Variants in FARS2 observed in about 807,000 individuals in gnomAD.
FARS2 encodes phenylalanyl-tRNA synthetase 2, mitochondrial, also known as phenylalanine--tRNA ligase, mitochondrial.
Under a neutral mutation model 46.4 loss-of-function variants are expected in FARS2, and 40 were observed. That is an observed-to-expected ratio of 0.86 (90% confidence interval 0.67 to 1.12). The LOEUF is 1.12. Ranked by LOEUF, FARS2 falls within the 50% of genes most tolerant of loss-of-function variation. The pLI is 0.00. For missense variants in FARS2, 513 were observed against 567.9 expected, an observed-to-expected ratio of 0.90 and a Z score of 0.98; for synonymous variants, 234 against 214.9, an observed-to-expected ratio of 1.09 and a Z score of -0.78.
intron 1 of FARS2, among the ~76,000 whole-genome samples, chr6:5,297,461 A>C (rs1767971527): frequency 6.6e-6 from 1 of 152,222 alleles, no homozygotes. Flanking sequence ...CAGCCTGGCC[A>C]ACATGGTGAA....
At chr6:5,553,681 C>G (rs953985733) in intron 5 of FARS2, among the ~76,000 whole-genome samples, 1 of 151,962 alleles carries the variant, frequency 6.6e-6, no homozygotes, top group Non-Finnish European at 1.5e-5. Context: ...TATGAACTTA[C>G]TGGTTTGTAG....
At chr6:5,689,095 C>A (rs1002374585) in intron 6 of FARS2, among the ~76,000 whole-genome samples, 11 of 151,998 alleles carry the variant, frequency 7.2e-5, no homozygotes, top group African/African-American at 2.2e-4. Flanking sequence ...TCTCTCTTTT[C>A]TTCTTTATTA....
intron 6 of FARS2, among the ~76,000 whole-genome samples, chr6:5,662,917 T>C (rs1777916097): frequency 6.6e-6 from 1 of 152,236 alleles, no homozygotes; most frequent in Admixed American, 6.5e-5. Flanking sequence ...TAAATTAGTT[T>C]GCATAAAGCT....
intron 6 of FARS2, among the ~76,000 whole-genome samples, chr6:5,693,051 C>CCT (rs1757862162): frequency 6.6e-6 from 1 of 152,166 alleles, no homozygotes; most frequent in Admixed American, 6.5e-5. Context: ...ATTTGTATTT[C>CCT]ATCTGTTTTG....
chr6:5,405,981 T>G (rs1417588584), intron 3 of FARS2, among the ~76,000 whole-genome samples: 1 of 152,210 alleles, frequency 6.6e-6, no homozygotes, highest in East Asian at 1.9e-4. Flanking sequence ...CTTGCCTTTA[T>G]TTTTCAAAAA....
At chr6:5,363,391 C>G (rs1360877717) in intron 1 of FARS2, among the ~76,000 whole-genome samples, 1 of 151,934 alleles carries the variant, frequency 6.6e-6, no homozygotes, top group Non-Finnish European at 1.5e-5. Flanking sequence ...TCTTTACTGC[C>G]CCTTCCAAAG....
chr6:5,362,856 A>T (rs897802283), intron 1 of FARS2, among the ~76,000 whole-genome samples: 5 of 149,792 alleles, frequency 3.3e-5, no homozygotes, highest in African/African-American at 9.9e-5. Flanking sequence ...TTTTTCACAT[A>T]CCTATTGACC....
At chr6:5,405,039 C>T (rs1409658368) in intron 3 of FARS2, among the ~76,000 whole-genome samples, 6 of 152,010 alleles carry the variant, frequency 3.9e-5, no homozygotes, top group Admixed American at 2.0e-4. Context: ...CCTCGTGATC[C>T]GCCCACCTCG....
intron 2 of FARS2, among the ~76,000 whole-genome samples, chr6:5,381,370 A>AAC (rs3057175): frequency 0.3 from 39,378 of 132,698 alleles, 5,931 homozygotes; most frequent in Non-Finnish European, 0.35. Context: ...ACTCCCCAGA[A>AAC]ACACACACAC....
intron 5 of FARS2, among the ~76,000 whole-genome samples, chr6:5,585,843 C>T (rs1322952846): frequency 6.6e-6 from 1 of 151,998 alleles, no homozygotes; most frequent in African/African-American, 2.4e-5. Context: ...CACATATTAG[C>T]TAGTATAACT....
chr6:5,615,754 T>C (rs1775436100), intron 6 of FARS2, among the ~76,000 whole-genome samples: 1 of 151,994 alleles, frequency 6.6e-6, no homozygotes, highest in Non-Finnish European at 1.5e-5. Context: ...AGGGGGAGGT[T>C]GAGGGTTGGC....
chr6:5,571,463 A>G (rs1339027769), intron 5 of FARS2, among the ~76,000 whole-genome samples: 1 of 152,240 alleles, frequency 6.6e-6, no homozygotes, highest in Non-Finnish European at 1.5e-5. Context: ...TTACTGAAGC[A>G]TGGGAGGTTG....
chr6:5,449,120 G>A (rs559251020), intron 4 of FARS2, among the ~76,000 whole-genome samples: 6 of 152,128 alleles, frequency 3.9e-5, no homozygotes, highest in African/African-American at 1.2e-4. Context: ...AGGCCGAGGC[G>A]GGCAGATCAC....
chr6:5,446,957 C>G (rs1163392501), intron 4 of FARS2, among the ~76,000 whole-genome samples: 1 of 152,000 alleles, frequency 6.6e-6, no homozygotes, highest in African/African-American at 2.4e-5. Flanking sequence ...CTGGATTACA[C>G]CATGAAACAT....
intron 4 of FARS2, among the ~76,000 whole-genome samples, chr6:5,454,401 G>A (rs559813886): frequency 8.2e-4 from 125 of 152,080 alleles, no homozygotes; most frequent in Non-Finnish European, 1.0e-4. Flanking sequence ...GAGTGCAGTG[G>A]CGTGATCTCG....
intron 5 of FARS2, among the ~76,000 whole-genome samples, chr6:5,612,278 A>G (rs909145027): frequency 3.3e-5 from 5 of 152,232 alleles, no homozygotes; most frequent in East Asian, 1.9e-4. Context: ...GTTTGTAGCA[A>G]TGTCAGGCTT....
chr6:5,277,948 C>G (rs1423097429), intron 1 of FARS2, among the ~76,000 whole-genome samples: 1 of 152,148 alleles, frequency 6.6e-6, no homozygotes, highest in African/African-American at 2.4e-5. Flanking sequence ...AGAGTGGATA[C>G]TTAGGAGTTT....
At chr6:5,700,451 G>A (rs1175293001) in intron 6 of FARS2, among the ~76,000 whole-genome samples, 2 of 151,592 alleles carry the variant, frequency 1.3e-5, no homozygotes, top group Non-Finnish European at 2.9e-5. Context: ...CTGTCACCCA[G>A]GCTGGAGTGC....
chr6:5,565,962 T>C (rs1353239088), intron 5 of FARS2, among the ~76,000 whole-genome samples: 4 of 152,254 alleles, frequency 2.6e-5, no homozygotes, highest in African/African-American at 7.2e-5. Context: ...CATGAAACCG[T>C]GTGGATTATT....
Sources: gnomAD v4.1 joint callset for allele counts (sites outside exome capture counted in the v4.1 genomes callset) on GRCh38, gnomAD v4.1.1 for gene constraint, MANE v1.5 for transcripts, NCBI Gene and HGNC (gene_info 2026-07-23, HGNC 2026-07-21) for gene names.